ZNRF3: variants seen among roughly 807,000 people sequenced by gnomAD.
ZNRF3 encodes E3 ubiquitin-protein ligase ZNRF3.
Under a neutral mutation model 72.5 loss-of-function variants are expected in ZNRF3, and 23 were observed. That is an observed-to-expected ratio of 0.32 (90% CI 0.23 to 0.45). The LOEUF (loss-of-function observed/expected upper bound fraction) is 0.45. Among genes scored for constraint, ZNRF3 ranks in the 20% least tolerant of loss-of-function variants. The pLI, the probability that ZNRF3 is intolerant of heterozygous loss-of-function variation, is 1.00. For missense variants in ZNRF3, 1,169 were observed against 1,272.1 expected, an observed-to-expected ratio of 0.92 and a Z score of 1.23; for synonymous variants, 610 against 545.3, an observed-to-expected ratio of 1.12 and a Z score of -1.65.
intron 5 of ZNRF3, among the ~76,000 whole-genome samples, chr22:29,045,362 CAAAAAAAAAAAA>C (rs59285656): frequency 2.0e-5 from 2 of 97,606 alleles, no homozygotes; most frequent in Non-Finnish European, 4.2e-5. Flanking sequence ...CCCTGTCTCA[CAAAAAAAAAAAA>C]AAAAAAAAGA....
At chr22:28,958,696 C>T (rs1345536001) in intron 1 of ZNRF3, among the ~76,000 whole-genome samples, 4 of 152,178 alleles carry the variant, frequency 2.6e-5, no homozygotes, top group South Asian at 2.1e-4. Context: ...CCAGGAGCCT[C>T]AGGCTCATGA....
intron 1 of ZNRF3, among the ~76,000 whole-genome samples, chr22:28,926,143 A>G (rs1049012623): frequency 1.3e-5 from 2 of 152,108 alleles, no homozygotes; most frequent in East Asian, 1.9e-4. Context: ...CCCTTCCTTC[A>G]TCTTGTCCCT....
chr22:28,908,553 A>G (rs12158439), intron 1 of ZNRF3, among the ~76,000 whole-genome samples: 11 of 152,254 alleles, frequency 7.2e-5, no homozygotes, highest in African/African-American at 2.4e-4. Flanking sequence ...GCTTTTTTAA[A>G]TGATCCTTGT....
chr22:28,978,935 T>A (rs1325866444), intron 1 of ZNRF3, among the ~76,000 whole-genome samples: 1 of 152,238 alleles, frequency 6.6e-6, no homozygotes. Context: ...GATTATGGGT[T>A]CCAATCCTGG....
At chr22:28,938,594 A>C (rs2034884693) in intron 1 of ZNRF3, among the ~76,000 whole-genome samples, 1 of 152,202 alleles carries the variant, frequency 6.6e-6, no homozygotes, top group African/African-American at 2.4e-5. Flanking sequence ...TTCTAGCTGA[A>C]GCAGGCTGTC....
intron 2 of ZNRF3, among the ~76,000 whole-genome samples, chr22:29,035,544 T>C (rs972532905): frequency 1.3e-5 from 2 of 152,116 alleles, no homozygotes; most frequent in African/African-American, 4.8e-5. Context: ...TACAGAACAG[T>C]GTATGTCCAA....
intron 1 of ZNRF3, among the ~76,000 whole-genome samples, chr22:28,978,814 A>G (rs1407340478): frequency 6.6e-6 from 1 of 152,152 alleles, no homozygotes; most frequent in Non-Finnish European, 1.5e-5. Context: ...CTTATAGTCA[A>G]TTGCAGAATA....
chr22:29,041,406 G>C (rs2038803291), intron 2 of ZNRF3, among the ~76,000 whole-genome samples: 1 of 152,162 alleles, frequency 6.6e-6, no homozygotes, highest in South Asian at 2.1e-4. Flanking sequence ...TTTTTCCACA[G>C]CTTCTGCCTT....
At chr22:28,994,172 CTTTCTTTT>C (rs2036005029) in intron 2 of ZNRF3, among the ~76,000 whole-genome samples, 1 of 78,766 alleles carries the variant, frequency 1.3e-5, no homozygotes, top group African/African-American at 5.4e-5. Context: ...CCTTCAGTTC[CTTTCTTTT>C]TTTTTTTTTT....
chr22:28,911,778 T>G (rs1296459119), intron 1 of ZNRF3, among the ~76,000 whole-genome samples: 1 of 152,114 alleles, frequency 6.6e-6, no homozygotes, highest in Non-Finnish European at 1.5e-5. Flanking sequence ...ACCCCTCAGT[T>G]TGGGCTCCAT....
intron 1 of ZNRF3, among the ~76,000 whole-genome samples, chr22:28,894,183 C>T (rs2033949552): frequency 6.7e-6 from 1 of 149,394 alleles, no homozygotes; most frequent in South Asian, 2.1e-4. Context: ...GTCTCAAACT[C>T]CAGGGCTCAA....
At chr22:28,899,885 C>CT (rs1181726828) in intron 1 of ZNRF3, among the ~76,000 whole-genome samples, 1 of 151,976 alleles carries the variant, frequency 6.6e-6, no homozygotes, top group Non-Finnish European at 1.5e-5. Flanking sequence ...GAGATGAAGT[C>CT]TCAGTGTGTT....
chr22:29,020,649 G>A (rs774949117), intron 2 of ZNRF3, among the ~76,000 whole-genome samples: 3 of 152,060 alleles, frequency 2.0e-5, no homozygotes, highest in Non-Finnish European at 4.4e-5. Context: ...AGGGCCGACT[G>A]TATACTCACA....
At chr22:28,952,513 A>AC (rs1364325851) in intron 1 of ZNRF3, among the ~76,000 whole-genome samples, 1 of 143,442 alleles carries the variant, frequency 7.0e-6, no homozygotes, top group Non-Finnish European at 1.5e-5. Flanking sequence ...TTTTTTTTTA[A>AC]CCATTTTGTT....
chr22:28,927,412 A>C (rs891148280), intron 1 of ZNRF3, among the ~76,000 whole-genome samples: 4 of 152,106 alleles, frequency 2.6e-5, no homozygotes, highest in Non-Finnish European at 4.4e-5. Context: ...AACAAACAAA[A>C]AAAACCTGCT....
chr22:29,028,448 T>C (rs1228961021), intron 2 of ZNRF3, among the ~76,000 whole-genome samples: 1 of 152,220 alleles, frequency 6.6e-6, no homozygotes, highest in East Asian at 1.9e-4. Flanking sequence ...ATAAGAGCTA[T>C]CTGGAATTTC....
chr22:28,930,291 G>A (rs1190144152), intron 1 of ZNRF3, among the ~76,000 whole-genome samples: 1 of 152,196 alleles, frequency 6.6e-6, no homozygotes, highest in African/African-American at 2.4e-5. Flanking sequence ...AGGTGAGTCT[G>A]CATAAACAGA....
chr22:28,993,045 G>C (rs1218104010), intron 2 of ZNRF3: 2 of 152,244 alleles, frequency 1.3e-5, no homozygotes, highest in Non-Finnish European at 2.9e-5. Context: ...GAAGGAAGAG[G>C]CTCTCAAGTG....
At chr22:28,937,596 GTGTC>G (rs1316734558) in intron 1 of ZNRF3, among the ~76,000 whole-genome samples, 1 of 152,166 alleles carries the variant, frequency 6.6e-6, no homozygotes, top group Admixed American at 6.5e-5. Flanking sequence ...CACCTCTAGA[GTGTC>G]TGATCAGTAG....
Sources: gnomAD v4.1 joint callset for allele counts (sites outside exome capture counted in the v4.1 genomes callset) on GRCh38, gnomAD v4.1.1 for gene constraint, MANE v1.5 for transcripts, NCBI Gene and HGNC (gene_info 2026-07-23, HGNC 2026-07-21) for gene names.